Variants in CDC42SE2 observed in about 807,000 individuals in gnomAD.
The protein encoded by CDC42SE2 is CDC42 small effector protein 2.
CDC42SE2 carries 3 observed loss-of-function variants against 11.5 expected under a neutral mutation model. The ratio of observed to expected loss-of-function variants is 0.26; its 90% CI spans 0.12 to 0.67. CDC42SE2 has a LOEUF of 0.67. Ranked by LOEUF, CDC42SE2 falls within the 30% of genes least tolerant of loss-of-function variation. CDC42SE2 has a pLI of 0.80. For synonymous variants in CDC42SE2, 33 were observed against 34.8 expected, an observed-to-expected ratio of 0.95 and a Z score of 0.18; for missense variants, 82 against 106.8, an observed-to-expected ratio of 0.77 and a Z score of 1.02.
intron 3 of CDC42SE2, among the ~76,000 whole-genome samples, chr5:131,368,933 TAA>T (rs1465047121): frequency 1.3e-5 from 2 of 152,218 alleles, no homozygotes; most frequent in African/African-American, 4.8e-5. Context: ...ATGTACAGTA[TAA>T]AAGTTATGAA....
rs531449735 is a variant in CDC42SE2, at chr5:131,335,862, C to T, written c.-286+19718C>T. ...CCCTTTATTTTGAGCCTGTGTGTTT[C>T]TCTGCACATGAGATGGGTCTCCTGA... is the stretch of plus-strand genomic sequence containing the variant. On this transcript the variant is annotated intron_variant, in intron 2 of 4. Transcript: ENST00000505065. Among the ~76,000 whole-genome samples, 130 of 152,292 alleles carry T rather than the reference C, an allele frequency of 8.5e-4. 1 individual carries two copies. The highest frequency in any genetic ancestry group is 2.7e-3 in the African/African-American group (111 of 41,558).
intron 3 of CDC42SE2, among the ~76,000 whole-genome samples, chr5:131,367,198 C>T (rs1247107797): frequency 6.6e-6 from 1 of 151,248 alleles, no homozygotes; most frequent in Non-Finnish European, 1.5e-5. Flanking sequence ...TGTAATGATG[C>T]ACAACAACAA....
Position 131,391,002 on chromosome 5 carries a change from A to C in CDC42SE2, c.166A>C (p.Ile56Leu), listed in dbSNP as rs778624523. Residue 56 changes from isoleucine (I) to leucine (L), a missense_variant, in exon 5 of 5, where the codon ATT becomes CTT. Coordinates refer to ENST00000505065, the MANE Select transcript of CDC42SE2 (RefSeq NM_001375635.1). ...LFSGMNSVSSIQNQMQSKGGY... is the reference protein window; with the variant it reads ...LFSGMNSVSSLQNQMQSKGGY... ...TTTTGTCTTGTTTTAGGTTAGCTCC[A>C]TTCAGAACCAAATGCAGTCCAAGGG... 1.5e-5 allele frequency: 24 copies of C among 1,610,820 alleles called. No homozygotes were observed. Among genetic ancestry groups the C allele is most frequent in the Non-Finnish European group, 2.0e-5 (24 of 1,177,868 alleles).
chr5:131,392,616 A>G lies in CDC42SE2; in HGVS notation c.*1525A>G, dbSNP rs925285097. 1 of 152,348 alleles carries G rather than the reference A, an allele frequency of 6.6e-6. No homozygotes were observed. The highest frequency in any genetic ancestry group is 1.5e-5 in the Non-Finnish European group (1 of 68,040). 9.4% of individuals were successfully genotyped at this position (152,348 alleles called of 1,614,324 possible). A position where few individuals can be genotyped will look rare whatever the true frequency, so the allele number is the denominator to read the frequency against. On this transcript the variant is annotated 3_prime_UTR_variant, in exon 5 of 5. Transcript: ENST00000505065. ...TGTTCAATATATTTATTTTGAGAGC[A>G]AGGACCTGTGGTTGTAAACAGGTGT...
Position 131,394,575 on chromosome 5 carries a change from T to C in CDC42SE2, c.*3484T>C, listed in dbSNP as rs1750795173. 6.6e-6 allele frequency: 1 copy of C among 152,324 alleles called. No homozygotes were observed. The highest frequency in any genetic ancestry group is 2.4e-5 in the African/African-American group (1 of 41,438). The allele number at this position is 152,324 out of a possible 1,614,324, so 9.4% of individuals were successfully genotyped here. A position where few individuals can be genotyped will look rare whatever the true frequency, so the allele number is the denominator to read the frequency against. On this transcript the variant is annotated 3_prime_UTR_variant, in exon 5 of 5. Transcript: ENST00000505065. ...AATATAAGCATACTTTTTTTGTACA[T>C]TGTGTTCATTCTTGAATAAAATGAG... is the stretch of plus-strand genomic sequence containing the variant.
At chr5:131,312,596 C>T (rs1003095357) in intron 1 of CDC42SE2, among the ~76,000 whole-genome samples, 11 of 152,148 alleles carry the variant, frequency 7.2e-5, no homozygotes, top group Admixed American at 5.9e-4. Flanking sequence ...AGCGATACTC[C>T]GTGGGCGTAG....
intron 1 of CDC42SE2, among the ~76,000 whole-genome samples, chr5:131,298,397 C>T (rs1348524434): frequency 1.3e-5 from 2 of 151,904 alleles, no homozygotes; most frequent in Non-Finnish European, 2.9e-5. Context: ...GCTCGGATTA[C>T]AGGCATGAGC....
At chr5:131,217,073 A>G in the CDC42SE2 span, among the ~76,000 whole-genome samples, 1 of 152,328 alleles carries the variant, frequency 6.6e-6, no homozygotes, top group Non-Finnish European at 1.5e-5. Flanking sequence ...AAATAGACAA[A>G]TGCATAATTA....
intron 1 of CDC42SE2, among the ~76,000 whole-genome samples, chr5:131,288,651 G>T (rs1002278782): frequency 6.6e-6 from 1 of 152,072 alleles, no homozygotes; most frequent in Non-Finnish European, 1.5e-5. Context: ...TGAGCCACTG[G>T]GCCTGGTAGA....
intron 2 of CDC42SE2, among the ~76,000 whole-genome samples, chr5:131,340,302 C>T (rs1758681512): frequency 6.6e-6 from 1 of 152,142 alleles, no homozygotes; most frequent in Non-Finnish European, 1.5e-5. Context: ...AAATTTTGAA[C>T]CGTCATGCTG....
the CDC42SE2 span, among the ~76,000 whole-genome samples, chr5:131,238,843 C>T: frequency 6.6e-6 from 1 of 151,876 alleles, no homozygotes; most frequent in African/African-American, 2.4e-5. Context: ...AATTTTGATT[C>T]TTGTCTTTTC....
intron 1 of CDC42SE2, among the ~76,000 whole-genome samples, chr5:131,280,679 G>T (rs1277388402): frequency 1.3e-5 from 2 of 152,138 alleles, no homozygotes; most frequent in African/African-American, 4.8e-5. Flanking sequence ...AGGATTCTAT[G>T]TACAGCAGAA....
At chr5:131,307,065 AT>A (rs997757551) in intron 1 of CDC42SE2, among the ~76,000 whole-genome samples, 4 of 150,724 alleles carry the variant, frequency 2.7e-5, no homozygotes, top group South Asian at 4.2e-4. Flanking sequence ...TTTTTTTTTA[AT>A]TTTTTTATTA....
At chr5:131,265,421 CTT>C (rs771185599) in intron 1 of CDC42SE2, among the ~76,000 whole-genome samples, 9 of 152,202 alleles carry the variant, frequency 5.9e-5, no homozygotes, top group East Asian at 1.9e-4. Flanking sequence ...GGTCTTGCTG[CTT>C]TTTGAGCAAG....
At chr5:131,355,792 G>A (rs1749522475) in intron 2 of CDC42SE2, among the ~76,000 whole-genome samples, 1 of 152,154 alleles carries the variant, frequency 6.6e-6, no homozygotes, top group Middle Eastern at 3.4e-3. Flanking sequence ...GACCTAAAAA[G>A]CATTTGTATT....
intron 3 of CDC42SE2, among the ~76,000 whole-genome samples, chr5:131,370,078 G>T (rs909752376): frequency 1.3e-5 from 2 of 152,110 alleles, no homozygotes; most frequent in Admixed American, 6.5e-5. Flanking sequence ...TAAAGAGAAG[G>T]TCTAGTATTT....
chr5:131,268,116 G>C (rs1172572674), intron 1 of CDC42SE2, among the ~76,000 whole-genome samples: 2 of 133,904 alleles, frequency 1.5e-5, no homozygotes, highest in African/African-American at 5.8e-5. Context: ...AGGCTGGAGT[G>C]CAATGGCGCA....
intron 1 of CDC42SE2, among the ~76,000 whole-genome samples, chr5:131,270,058 CA>C (rs1267905321): frequency 1.4e-5 from 2 of 148,070 alleles, no homozygotes; most frequent in Non-Finnish European, 3.0e-5. Flanking sequence ...AAGAGTATCT[CA>C]AAAAAACAAA....
At chr5:131,345,408 T>C (rs1332378124) in intron 2 of CDC42SE2, among the ~76,000 whole-genome samples, 1 of 152,004 alleles carries the variant, frequency 6.6e-6, no homozygotes, top group East Asian at 1.9e-4. Flanking sequence ...GTATCAGTGA[T>C]TGAAGATCAA....
Sources: gnomAD v4.1 joint callset for allele counts (sites outside exome capture counted in the v4.1 genomes callset) on GRCh38, gnomAD v4.1.1 for gene constraint, MANE v1.5 for transcripts, NCBI Gene and HGNC (gene_info 2026-07-23, HGNC 2026-07-21) for gene names.